CAB39: variants seen among roughly 807,000 people sequenced by gnomAD.
CAB39 encodes calcium-binding protein 39.
Under a neutral mutation model 40.0 loss-of-function variants are expected in CAB39, and 8 were observed. The observed-to-expected ratio is 0.20, with a 90% CI of 0.12 to 0.36. The LOEUF is 0.36. Ranked by LOEUF, CAB39 falls within the 10% of genes least tolerant of loss-of-function variation. CAB39 has a pLI of 1.00. For synonymous variants in CAB39, 156 were observed against 141.6 expected (o/e 1.10, Z -0.72); for missense variants, 270 against 401.1 (o/e 0.67, Z 2.79).
intron 2 of CAB39, among the ~76,000 whole-genome samples, chr2:230,770,613 G>A (rs1283030077): frequency 1.3e-5 from 2 of 151,952 alleles, no homozygotes; most frequent in Non-Finnish European, 1.5e-5. Context: ...TATAATCATC[G>A]CCAAATCAGA....
chr2:230,744,020 A>G (rs1172999786), intron 1 of CAB39, among the ~76,000 whole-genome samples: 4 of 151,110 alleles, frequency 2.6e-5, no homozygotes, highest in African/African-American at 9.7e-5. Flanking sequence ...CCTGGGTTCA[A>G]GTGATTCTCC....
chr2:230,756,371 A>G (rs1431238621), intron 1 of CAB39, among the ~76,000 whole-genome samples: 1 of 152,218 alleles, frequency 6.6e-6, no homozygotes, highest in African/African-American at 2.4e-5. Flanking sequence ...AGTGATAGGA[A>G]TTTTTCAGCT....
At chr2:230,773,082 T>C (rs1695516489) in intron 2 of CAB39, among the ~76,000 whole-genome samples, 1 of 149,870 alleles carries the variant, frequency 6.7e-6, no homozygotes, top group Admixed American at 6.7e-5. Context: ...AAAGAGCACA[T>C]AGTATATGAT....
rs147143513 is a variant in CAB39 at position 230,742,155 on chromosome 2, TTTTGTTTGTTTG to T, written c.-43-17780_-43-17769del. Among the ~76,000 whole-genome samples the T allele has an allele frequency of 4.3e-3, 648 of 151,102 alleles. 5 individuals are homozygous for T. Among genetic ancestry groups the T allele is most frequent in the African/African-American group, 0.015 (596 of 41,086 alleles). On this transcript the variant is annotated intron_variant, in intron 1 of 8. Transcript: ENST00000258418. ...TTACAGATAAGTCTTTTTTGTTTTGTTTTGTTTGTTTGTTTGTTTGTTTGTTTGTTTGTTTTT... is the reference window on the plus strand; with the variant it reads ...TTACAGATAAGTCTTTTTTGTTTTGTTTTGTTTGTTTGTTTGTTTGTTTTT...
At chr2:230,755,077 A>T (rs752848230) in intron 1 of CAB39, among the ~76,000 whole-genome samples, 71 of 151,844 alleles carry the variant, frequency 4.7e-4, no homozygotes, top group Non-Finnish European at 8.4e-4. Flanking sequence ...ACACACACAC[A>T]CTCAACAGTT....
chr2:230,797,514 G>A (rs1696007442), intron 4 of CAB39, among the ~76,000 whole-genome samples: 3 of 151,188 alleles, frequency 2.0e-5, no homozygotes, highest in Admixed American at 1.3e-4. Flanking sequence ...TTATAGAAAT[G>A]AGGAAGCAGG....
chr2:230,764,065 G>A (rs2124923890), intron 2 of CAB39, among the ~76,000 whole-genome samples: 1 of 151,996 alleles, frequency 6.6e-6, no homozygotes, highest in Non-Finnish European at 1.5e-5. Flanking sequence ...GAGGTTGCAG[G>A]GAGCCAAGAT....
intron 1 of CAB39, chr2:230,725,208 T>C: frequency 6.2e-7 from 1 of 1,602,832 alleles, no homozygotes; most frequent in Non-Finnish European, 8.5e-7. Flanking sequence ...GCGCCACAAG[T>C]GTCTTTCAGC....
chr2:230,807,822 G>C (rs757246566), intron 5 of CAB39, among the ~76,000 whole-genome samples: 1 of 152,186 alleles, frequency 6.6e-6, no homozygotes, highest in African/African-American at 2.4e-5. Context: ...TTGAGAGCCA[G>C]TGTCTCTCAG....
chr2:230,818,282 C>CTG (rs1696439385), intron 8 of CAB39: 2 of 505,850 alleles, frequency 4.0e-6, no homozygotes, highest in South Asian at 6.2e-5. Flanking sequence ...ATACTAAACA[C>CTG]TGTGTTGCAG....
chr2:230,747,816 G>A (rs1366844200), intron 1 of CAB39, among the ~76,000 whole-genome samples: 3 of 152,178 alleles, frequency 2.0e-5, no homozygotes, highest in Non-Finnish European at 4.4e-5. Context: ...TACTTTGCTA[G>A]CTATTTCATC....
At chr2:230,797,073 T>C (rs1400671499) in intron 4 of CAB39, among the ~76,000 whole-genome samples, 6 of 152,232 alleles carry the variant, frequency 3.9e-5, no homozygotes, top group African/African-American at 1.4e-4. Context: ...GATACACTTG[T>C]GTGTTGGGTA....
At chr2:230,738,188 C>T (rs1263950531) in intron 1 of CAB39, among the ~76,000 whole-genome samples, 1 of 152,326 alleles carries the variant, frequency 6.6e-6, no homozygotes, top group East Asian at 1.9e-4. Flanking sequence ...ACCTATTAGT[C>T]TTCCATGGAT....
intron 1 of CAB39, among the ~76,000 whole-genome samples, chr2:230,756,732 G>A (rs925700742): frequency 1.5e-4 from 23 of 151,180 alleles, no homozygotes; most frequent in Admixed American, 1.1e-3. Flanking sequence ...TCGCTCTGTC[G>A]CCCAGGCTGG....
At chr2:230,785,771 T>G (rs1461092487) in intron 2 of CAB39, among the ~76,000 whole-genome samples, 1 of 151,756 alleles carries the variant, frequency 6.6e-6, no homozygotes, top group Non-Finnish European at 1.5e-5. Flanking sequence ...CATAGCTCAC[T>G]GCAGCCTCAA....
At chr2:230,730,183 C>T (rs1694661824) in intron 1 of CAB39, among the ~76,000 whole-genome samples, 1 of 152,108 alleles carries the variant, frequency 6.6e-6, no homozygotes, top group Non-Finnish European at 1.5e-5. Flanking sequence ...GATCATGGTT[C>T]ACTTCAGCCT....
At chr2:230,749,009 G>GT (rs141878027) in intron 1 of CAB39, among the ~76,000 whole-genome samples, 6,461 of 140,492 alleles carry the variant, frequency 0.046, 490 homozygotes, top group African/African-American at 0.16. Context: ...CCGCCCCCGT[G>GT]TTTTTTTTTT....
intron 5 of CAB39, among the ~76,000 whole-genome samples, chr2:230,799,653 A>G (rs1382650417): frequency 6.6e-6 from 1 of 152,236 alleles, no homozygotes; most frequent in Admixed American, 6.5e-5. Context: ...TCCCTTATAT[A>G]AATTGCCTAA....
At chr2:230,727,402 T>TGTGTG in intron 1 of CAB39, among the ~76,000 whole-genome samples, 1 of 105,410 alleles carries the variant, frequency 9.5e-6, no homozygotes, top group African/African-American at 5.4e-5. Flanking sequence ...GTGTGTGTAT[T>TGTGTG]TTTTTTTCTT....
Sources: gnomAD v4.1 joint callset for allele counts (sites outside exome capture counted in the v4.1 genomes callset) on GRCh38, gnomAD v4.1.1 for gene constraint, MANE v1.5 for transcripts, NCBI Gene and HGNC (gene_info 2026-07-23, HGNC 2026-07-21) for gene names.